RYR3: variants seen among roughly 807,000 people sequenced by gnomAD.
RYR3 encodes brain ryanodine receptor-calcium release channel.
RYR3 carries 207 observed loss-of-function variants against 584.3 expected under a neutral mutation model. The observed-to-expected ratio is 0.35, with a 90% CI of 0.32 to 0.40. The LOEUF is 0.40. RYR3 is among the 10% of genes least tolerant of loss of function. RYR3 has a pLI of 1.00. For missense variants in RYR3, 5,616 were observed against 6,089.2 expected, an observed-to-expected ratio of 0.92 and a Z score of 2.59; for synonymous variants, 2,416 against 2,248.5, an observed-to-expected ratio of 1.07 and a Z score of -2.11.
At chr15:33,859,484 C>A (rs117620972) in intron 99 of RYR3, 91 bp from the exon 100 acceptor site, 55,424 of 1,472,826 alleles carry the variant, frequency 0.038, 1,384 homozygotes, top group Non-Finnish European at 0.04. Flanking sequence ...AGGGCTGCCA[C>A]AATCTGACCG....
At chr15:33,816,835 G>T in intron 74 of RYR3, 27 bp from the exon 75 acceptor site, 2 of 1,496,442 alleles carry the variant, frequency 1.3e-6, no homozygotes, top group South Asian at 2.3e-5. Context: ...GATCCCTCTT[G>T]ACCTCCCTCT....
Position 33,820,744 on chromosome 15 carries a change from C to T in RYR3, c.10759-12C>T, listed in dbSNP as rs1490958812. 1 of 1,602,574 alleles carries T rather than the reference C, an allele frequency of 6.2e-7. No homozygotes were observed. Among genetic ancestry groups the T allele is most frequent in the South Asian group, 1.1e-5 (1 of 88,090 alleles). On this transcript the variant is annotated splice_polypyrimidine_tract_variant and intron_variant, in intron 77 of 103. Coordinates refer to ENST00000634891, the MANE Select transcript of RYR3 (RefSeq NM_001036.6). ...TGTCTGTCTTCTCCCTTCCCTGCTC[C>T]ATGAAATCCAGAGTTGTCAAAGTGG...
chr15:33,802,022 T>A, intron 69 of RYR3, 61 bp downstream of exon 69: 1 of 1,009,166 alleles, frequency 9.9e-7, no homozygotes, highest in South Asian at 1.3e-5. Context: ...ATGACTTGGA[T>A]CTGTTTCATA....
At chr15:33,822,702 C>T (rs1055786854) in intron 80 of RYR3, among the ~76,000 whole-genome samples, 2 of 152,248 alleles carry the variant, frequency 1.3e-5, no homozygotes, top group African/African-American at 4.8e-5. Context: ...AAATTCATAG[C>T]ATGAGCTATT....
chr15:33,493,309 C>G (rs1239036220), intron 2 of RYR3, among the ~76,000 whole-genome samples: 1 of 152,132 alleles, frequency 6.6e-6, no homozygotes, highest in East Asian at 1.9e-4. Context: ...TTTCTCTCTC[C>G]TGGCCTCTGC....
At chr15:33,609,471 C>A (rs1003037997) in intron 18 of RYR3, among the ~76,000 whole-genome samples, 1 of 152,156 alleles carries the variant, frequency 6.6e-6, no homozygotes, top group South Asian at 2.1e-4. Flanking sequence ...GCCTAGCCAA[C>A]GGGGTGAAAT....
intron 27 of RYR3, among the ~76,000 whole-genome samples, chr15:33,640,033 G>A (rs1469095271): frequency 6.8e-6 from 1 of 147,566 alleles, no homozygotes; most frequent in African/African-American, 2.5e-5. Flanking sequence ...CTGCCTCTCT[G>A]CCAGGCACTC....
intron 85 of RYR3, among the ~76,000 whole-genome samples, chr15:33,830,143 AAAG>A (rs1222484256): frequency 6.6e-6 from 1 of 152,234 alleles, no homozygotes; most frequent in East Asian, 1.9e-4. Flanking sequence ...TCCAATTTTG[AAAG>A]AAGTTCTGTG....
intron 20 of RYR3, among the ~76,000 whole-genome samples, chr15:33,624,235 G>A (rs192097247): frequency 1.5e-4 from 23 of 152,336 alleles, no homozygotes; most frequent in Admixed American, 1.4e-3. Context: ...CACCTGCTAC[G>A]TGTGTTATAT....
chr15:33,829,279 T>G (rs1278259119), intron 85 of RYR3, among the ~76,000 whole-genome samples: 1 of 152,202 alleles, frequency 6.6e-6, no homozygotes, highest in East Asian at 1.9e-4. Flanking sequence ...TGCCTGCTAA[T>G]ACAAGATTTA....
At chr15:33,732,420 C>T (rs1182663281) in intron 48 of RYR3, among the ~76,000 whole-genome samples, 1 of 150,660 alleles carries the variant, frequency 6.6e-6, no homozygotes, top group Non-Finnish European at 1.5e-5. Context: ...ACCTCTAGGC[C>T]TCCCAAGACC....
intron 1 of RYR3, among the ~76,000 whole-genome samples, chr15:33,349,500 T>G (rs1219352691): frequency 6.6e-6 from 1 of 152,210 alleles, no homozygotes; most frequent in Non-Finnish European, 1.5e-5. Flanking sequence ...TCTCATTGTT[T>G]TAATTTGCAA....
intron 43 of RYR3, among the ~76,000 whole-genome samples, chr15:33,717,921 C>T (rs1018307383): frequency 1.3e-5 from 2 of 152,146 alleles, no homozygotes; most frequent in African/African-American, 4.8e-5. Context: ...ATCACAGTGG[C>T]TCTTAGACAT....
intron 38 of RYR3, among the ~76,000 whole-genome samples, chr15:33,690,119 T>C (rs1258338744): frequency 1.3e-5 from 2 of 152,204 alleles, no homozygotes; most frequent in African/African-American, 4.8e-5. Flanking sequence ...CCAGTATTAA[T>C]AAGAGCAAAG....
chr15:33,794,198 ATACACAAATATACATTATATATAAAT>A (rs2075404078), intron 67 of RYR3, among the ~76,000 whole-genome samples: 4 of 107,134 alleles, frequency 3.7e-5, no homozygotes, highest in African/African-American at 1.3e-4. Context: ...AATATATATT[ATACACAAATATACATTATATATAAAT>A]ATATATAAAT....
At chr15:33,334,362 C>T (rs116692252) in intron 1 of RYR3, among the ~76,000 whole-genome samples, 3,177 of 152,162 alleles carry the variant, frequency 0.021, 92 homozygotes, top group African/African-American at 0.064. Context: ...GAATAGAGAA[C>T]GCAGAAATAA....
At chr15:33,760,262 G>T (rs1281609370) in intron 60 of RYR3, among the ~76,000 whole-genome samples, 1 of 152,136 alleles carries the variant, frequency 6.6e-6, no homozygotes, top group Non-Finnish European at 1.5e-5. Flanking sequence ...CATCATGACA[G>T]GATCAAATTC....
Position 33,669,371 on chromosome 15 carries a change from C to T in RYR3, c.5637C>T (p.Asn1879=), listed in dbSNP as rs2152720626. 1.2e-6 allele frequency: 2 copies of T among 1,613,940 alleles called. No individual in the cohort carries two copies. Among genetic ancestry groups the T allele is most frequent in the Non-Finnish European group, 1.7e-6 (2 of 1,179,862 alleles). Residue 1879 remains asparagine (N), a synonymous_variant, in exon 37 of 104, where the codon AAC becomes AAT. Coordinates refer to ENST00000634891, the MANE Select transcript of RYR3 (RefSeq NM_001036.6). Reference sequence around the variant, plus strand: ...TCTCAAAGATCAACATGCTGCTTAACTTTCAACTGGGAGAGAACTGCCCCT... The same window carrying T: ...TCTCAAAGATCAACATGCTGCTTAATTTTCAACTGGGAGAGAACTGCCCCT... ...PPQEQINMLL[N]FQLGENCPCP...
chr15:33,565,624 G>C (rs1391009234), intron 11 of RYR3, among the ~76,000 whole-genome samples: 1 of 152,130 alleles, frequency 6.6e-6, no homozygotes, highest in East Asian at 1.9e-4. Context: ...AGACTTCCAG[G>C]ATCTACACTT....
Sources: gnomAD v4.1 joint callset for allele counts (sites outside exome capture counted in the v4.1 genomes callset) on GRCh38, gnomAD v4.1.1 for gene constraint, MANE v1.5 for transcripts, NCBI Gene and HGNC (gene_info 2026-07-23, HGNC 2026-07-21) for gene names.